PRKN: variants seen among roughly 807,000 people sequenced by gnomAD.
The protein encoded by PRKN is E3 ubiquitin-protein ligase parkin.
Under a neutral mutation model 59.5 loss-of-function variants are expected in PRKN, and 56 were observed. The observed-to-expected ratio is 0.94, with a 90% CI of 0.76 to 1.18. PRKN has a LOEUF of 1.18. Ranked by LOEUF, PRKN falls within the 50% of genes most tolerant of loss-of-function variation. The pLI is 0.00. For synonymous variants in PRKN, 250 were observed against 222.1 expected (o/e 1.13, Z -1.12); for missense variants, 657 against 596.4 (o/e 1.10, Z -1.06).
chr6:162,272,174 G>T (rs923144467), intron 2 of PRKN, among the ~76,000 whole-genome samples: 11 of 152,286 alleles, frequency 7.2e-5, no homozygotes, highest in African/African-American at 2.6e-4. Context: ...TGCAGTAAGT[G>T]ATTTAGTTTT....
At position 161,569,363 on chromosome 6, in the gene PRKN, C is replaced by A. The variant is rs1168877682; in HGVS notation, c.925G>T (p.Glu309Ter). Residue 309 changes from glutamate (E) to a stop codon, truncating the protein, a stop_gained, in exon 8 of 12, where the codon GAA (glutamate) becomes TAA (stop). Coordinates refer to ENST00000366898, the MANE Select transcript of PRKN (RefSeq NM_004562.3). LOFTEE classifies it high-confidence loss of function. ...KELHHFRILG[E>*]EQYNRYQQYG... ...TTGAGATGCTCACTCACCTGCTCTT[C>A]TCCCAGAATCCTGAAGTGATGGAGC... 6.2e-7 allele frequency: 1 copy of A among 1,613,542 alleles called. No individual in the cohort carries two copies. Among genetic ancestry groups the A allele is most frequent in the East Asian group, 2.2e-5 (1 of 44,868 alleles).
intron 7 of PRKN, among the ~76,000 whole-genome samples, chr6:161,675,732 A>C (rs1156533556): frequency 2.6e-5 from 4 of 152,096 alleles, no homozygotes; most frequent in Non-Finnish European, 5.9e-5. Context: ...TTACATCATG[A>C]CCTGTAGTCT....
chr6:162,352,250 G>C (rs1378309415), intron 2 of PRKN, among the ~76,000 whole-genome samples: 1 of 152,160 alleles, frequency 6.6e-6, no homozygotes, highest in Non-Finnish European at 1.5e-5. Context: ...CTGAGAACCA[G>C]AACTACTTTT....
chr6:161,778,428 G>A (rs1389444377), intron 7 of PRKN, among the ~76,000 whole-genome samples: 1 of 152,100 alleles, frequency 6.6e-6, no homozygotes, highest in East Asian at 1.9e-4. Flanking sequence ...GAAAGGAACC[G>A]ATGGCTTTAG....
rs539474026 is a variant in PRKN, at chr6:161,757,043, T to G, written c.871+28729A>C. Among the ~76,000 whole-genome samples the G allele has an allele frequency of 5.3e-5, 8 of 152,256 alleles. No individual in the cohort carries two copies. The South Asian group carries it at 6.2e-4, about 12-fold the overall frequency. On this transcript the variant is annotated intron_variant, in intron 7 of 11. Transcript: ENST00000366898. ...TTGAAAAAAATAAATACCAATAATA[T>G]AAAAGAAACTTTGATTCCTAACTTG...
chr6:162,301,066 AT>A (rs1282810675), intron 2 of PRKN, among the ~76,000 whole-genome samples: 4 of 152,228 alleles, frequency 2.6e-5, no homozygotes, highest in African/African-American at 9.6e-5. Flanking sequence ...CTTATACATG[AT>A]TTTTATAGAA....
chr6:161,878,467 T>G (rs938123817), intron 6 of PRKN, among the ~76,000 whole-genome samples: 2 of 152,194 alleles, frequency 1.3e-5, no homozygotes, highest in Non-Finnish European at 2.9e-5. Flanking sequence ...GATTTATTTT[T>G]TCTTCCTTTT....
intron 3 of PRKN, among the ~76,000 whole-genome samples, chr6:162,211,844 T>C (rs1389912156): frequency 2.6e-5 from 4 of 152,184 alleles, no homozygotes; most frequent in Non-Finnish European, 4.4e-5. Flanking sequence ...TTCCAAAAGC[T>C]TTTGGTGGTG....
intron 7 of PRKN, among the ~76,000 whole-genome samples, chr6:161,781,284 A>G (rs978767625): frequency 6.6e-6 from 1 of 152,228 alleles, no homozygotes; most frequent in Non-Finnish European, 1.5e-5. Context: ...GCAAATTTCT[A>G]TGAGTATTAT....
chr6:161,564,728 TTC>T (rs373700280), intron 8 of PRKN, among the ~76,000 whole-genome samples: 3 of 150,998 alleles, frequency 2.0e-5, no homozygotes, highest in East Asian at 1.9e-4. Flanking sequence ...TGACATCCAT[TTC>T]TCTCTCTCTC....
chr6:162,325,647 C>T (rs574378603), intron 2 of PRKN, among the ~76,000 whole-genome samples: 5 of 152,246 alleles, frequency 3.3e-5, no homozygotes, highest in African/African-American at 1.2e-4. Flanking sequence ...GCCCAACAAG[C>T]TTCCTGAATT....
chr6:162,509,392 T>C (rs919452911), intron 1 of PRKN, among the ~76,000 whole-genome samples: 20 of 152,292 alleles, frequency 1.3e-4, no homozygotes, highest in African/African-American at 4.8e-4. Flanking sequence ...ACCAAATTTG[T>C]ATATTTTATG....
rs971076357 is a variant in PRKN, at chr6:161,386,364, A to G, written c.1167+430T>C. On this transcript the variant is annotated intron_variant, in intron 10 of 11. Coordinates refer to ENST00000366898, the MANE Select transcript of PRKN (RefSeq NM_004562.3). This position sits in a 1 kb window ranked among gnomAD's most constrained non-coding sequence, Gnocchi z 4.3. ...GGCATGATGCTGCTAAAGGACAATG[A>G]TATCCTTACATAATGTCATCTTTCT... Among the ~76,000 whole-genome samples the G allele has an allele frequency of 6.6e-6, 1 of 152,218 alleles. No individual in the cohort carries two copies. The highest frequency in any genetic ancestry group is 2.4e-5 in the African/African-American group (1 of 41,460).
intron 1 of PRKN, among the ~76,000 whole-genome samples, chr6:162,702,248 G>A (rs1051537191): frequency 2.6e-5 from 4 of 152,020 alleles, no homozygotes; most frequent in South Asian, 2.1e-4. Flanking sequence ...TATCTATCAT[G>A]ATATATTGAG....
At chr6:162,072,493 T>G (rs1778621602) in intron 4 of PRKN, among the ~76,000 whole-genome samples, 1 of 152,164 alleles carries the variant, frequency 6.6e-6, no homozygotes, top group Admixed American at 6.5e-5. Flanking sequence ...TCTTGGAATA[T>G]CGATCCCAAA....
intron 7 of PRKN, among the ~76,000 whole-genome samples, chr6:161,573,112 A>G (rs750267032): frequency 1.3e-5 from 2 of 152,090 alleles, no homozygotes. Flanking sequence ...CGAGTGTCCG[A>G]AGGGTAGAGT....
chr6:161,724,152 G>A (rs1051232050), intron 7 of PRKN, among the ~76,000 whole-genome samples: 8 of 152,174 alleles, frequency 5.3e-5, no homozygotes, highest in Admixed American at 4.6e-4. Flanking sequence ...GAAAGGACGG[G>A]CACATGGAAT....
chr6:162,027,861 A>G (rs942377459), intron 5 of PRKN, among the ~76,000 whole-genome samples: 3 of 151,848 alleles, frequency 2.0e-5, no homozygotes, highest in Non-Finnish European at 2.9e-5. Context: ...AGGGGCAGAA[A>G]AGGAGAGAGG....
chr6:161,490,371 C>T lies in PRKN; in HGVS notation c.1083+58483G>A, dbSNP rs1353488303. On this transcript the variant is annotated intron_variant, in intron 9 of 11. Coordinates refer to ENST00000366898, the MANE Select transcript of PRKN (RefSeq NM_004562.3). ...TCTCTCTCTCTCTCCCTCTCTCTCT[C>T]TCTTTCTTTCTTTCCTTTTTTTTTT... Among the ~76,000 whole-genome samples, 455 of 142,422 alleles carry T rather than the reference C, an allele frequency of 3.2e-3. 2 individuals carry two copies. The highest frequency in any genetic ancestry group is 5.7e-3 in the Non-Finnish European group (376 of 66,198). 93.4% of individuals were successfully genotyped at this position (142,422 alleles called of 152,430 possible).
Sources: allele counts gnomAD v4.1 joint callset (sites outside exome capture counted in the v4.1 genomes callset), GRCh38; gene constraint gnomAD v4.1.1; non-coding constraint Gnocchi (gnomAD v3.1); transcripts MANE v1.5; gene names NCBI Gene and HGNC (gene_info 2026-07-23, HGNC 2026-07-21).